ADAMTS6: variants seen among roughly 807,000 people sequenced by gnomAD.
ADAMTS6 encodes the protein A disintegrin and metalloproteinase with thrombospondin motifs 6.
A neutral mutation model predicts 144.3 loss-of-function variants in ADAMTS6; 23 were observed. That is an observed-to-expected ratio of 0.16 (90% CI 0.11 to 0.23). The LOEUF is 0.23. ADAMTS6 is among the 10% of genes least tolerant of loss of function. ADAMTS6 has a pLI of 1.00. For synonymous variants in ADAMTS6, 444 were observed against 457.5 expected (o/e 0.97, Z 0.38); for missense variants, 999 against 1,379.6 (o/e 0.72, Z 4.37).
Position 65,231,743 on chromosome 5 carries a change from G to C in ADAMTS6, c.1934-5524C>G, listed in dbSNP as rs2112440987. On this transcript the variant is annotated intron_variant, in intron 15 of 24. Coordinates refer to ENST00000381055, the MANE Select transcript of ADAMTS6 (RefSeq NM_197941.4). The stretch of plus-strand genomic sequence containing the variant: ...AGAAAACTGGAAAATTCACAAATAT[G>C]TGGAAATTAAAGAACATGCTCCTGA... 2.0e-5 allele frequency among the ~76,000 whole-genome samples: 3 copies of C among 152,242 alleles called. No homozygotes were observed. The South Asian group carries it at 6.2e-4, about 32-fold the overall frequency.
At chr5:65,422,683 T>C (rs948852143) in intron 7 of ADAMTS6, among the ~76,000 whole-genome samples, 1 of 151,932 alleles carries the variant, frequency 6.6e-6, no homozygotes, top group Non-Finnish European at 1.5e-5. Flanking sequence ...GGAACACTTA[T>C]ACATTACTAG....
chr5:65,406,976 G>A (rs1754572993), intron 7 of ADAMTS6, among the ~76,000 whole-genome samples: 1 of 152,106 alleles, frequency 6.6e-6, no homozygotes, highest in South Asian at 2.1e-4. Flanking sequence ...CAAGAAATAT[G>A]GGACTATGTG....
At chr5:65,327,490 AG>A (rs1408590674) in intron 9 of ADAMTS6, among the ~76,000 whole-genome samples, 1 of 152,010 alleles carries the variant, frequency 6.6e-6, no homozygotes, top group Non-Finnish European at 1.5e-5. Flanking sequence ...TCTCAATCCA[AG>A]GATTTTGTGG....
At chr5:65,280,651 T>C (rs1168106702) in intron 11 of ADAMTS6, among the ~76,000 whole-genome samples, 1 of 152,234 alleles carries the variant, frequency 6.6e-6, no homozygotes, top group Non-Finnish European at 1.5e-5. Context: ...TCCTTTCTGA[T>C]CACATAAGTA....
intron 7 of ADAMTS6, among the ~76,000 whole-genome samples, chr5:65,436,481 A>G (rs956438706): frequency 6.6e-6 from 1 of 152,172 alleles, no homozygotes; most frequent in African/African-American, 2.4e-5. Flanking sequence ...CTCCCACCTC[A>G]AAGCCAGGCT....
At chr5:65,466,813 T>C (rs966265141) in intron 3 of ADAMTS6, among the ~76,000 whole-genome samples, 11 of 152,068 alleles carry the variant, frequency 7.2e-5, no homozygotes, top group African/African-American at 1.9e-4. Flanking sequence ...GAGGCCGAGG[T>C]GGGCGGATCA....
chr5:65,206,597 G>A (rs1440235707), intron 20 of ADAMTS6, among the ~76,000 whole-genome samples: 2 of 150,920 alleles, frequency 1.3e-5, no homozygotes, highest in East Asian at 1.9e-4. Context: ...CTACTCGGGA[G>A]TCTGAGGCAG....
In ADAMTS6 at chr5:65,374,955, A is replaced by G. The variant is rs1348092819; in HGVS notation, c.1074-40870T>C. On this transcript the variant is annotated intron_variant, in intron 7 of 24. Transcript: ENST00000381055. Reference sequence around the variant, plus strand: ...GAACAGAGCCCTCAGAAATAATGCCACATATCTACAACTATCTGATCTTTG... The same window carrying G: ...GAACAGAGCCCTCAGAAATAATGCCGCATATCTACAACTATCTGATCTTTG... 3.9e-5 allele frequency among the ~76,000 whole-genome samples: 6 copies of G among 152,234 alleles called. No individual in the cohort carries two copies. In the East Asian group the frequency reaches 9.6e-4, roughly 24 times the overall value.
chr5:65,422,491 G>A (rs1003516757), intron 7 of ADAMTS6, among the ~76,000 whole-genome samples: 4 of 152,112 alleles, frequency 2.6e-5, no homozygotes, highest in East Asian at 1.9e-4. Context: ...GTGTGGTGGC[G>A]CATGCCTGTA....
chr5:65,211,321 G>T (rs1756517259), intron 20 of ADAMTS6, among the ~76,000 whole-genome samples: 1 of 152,208 alleles, frequency 6.6e-6, no homozygotes, highest in South Asian at 2.1e-4. Context: ...AAGCAAGATG[G>T]CTGGGTGCAG....
At chr5:65,263,105 G>C in intron 12 of ADAMTS6, 143 bp from the exon 13 acceptor site, 6 of 1,016,234 alleles carry the variant, frequency 5.9e-6, no homozygotes, top group Non-Finnish European at 8.6e-6. Flanking sequence ...CTCTAACTGT[G>C]TTTAGACACT....
At chr5:65,407,439 TA>T (rs1754632052) in intron 7 of ADAMTS6, among the ~76,000 whole-genome samples, 1 of 151,442 alleles carries the variant, frequency 6.6e-6, no homozygotes, top group Admixed American at 6.6e-5. Flanking sequence ...CTGCACCCAT[TA>T]ACTCGTCATT....
chr5:65,206,838 TCACA>T (rs147509641), intron 20 of ADAMTS6, among the ~76,000 whole-genome samples: 39,729 of 144,864 alleles, frequency 0.27, 5,443 homozygotes, highest in Admixed American at 0.36. Context: ...TCTCTCTCTC[TCACA>T]CACACACACA....
chr5:65,222,855 T>A (rs1757426958), intron 18 of ADAMTS6, among the ~76,000 whole-genome samples: 1 of 151,942 alleles, frequency 6.6e-6, no homozygotes, highest in Admixed American at 6.6e-5. Context: ...ATTAAAAAAT[T>A]AATAAATTGA....
chr5:65,404,027 C>T (rs997587168), intron 7 of ADAMTS6, among the ~76,000 whole-genome samples: 4 of 151,908 alleles, frequency 2.6e-5, no homozygotes, highest in South Asian at 2.1e-4. Context: ...AATCTTTGCC[C>T]AAGTTGGCAA....
intron 7 of ADAMTS6, among the ~76,000 whole-genome samples, chr5:65,440,001 T>C (rs1035649923): frequency 6.6e-6 from 1 of 152,104 alleles, no homozygotes; most frequent in African/African-American, 2.4e-5. Flanking sequence ...AGAGATGGGG[T>C]TTTGCCATGT....
At position 65,255,852 on chromosome 5, in the gene ADAMTS6, C is replaced by T. The variant is rs147841366; in HGVS notation, c.1830+4748G>A. ...CTCTACATTTATTTATGTATTTATT[C>T]ATTTTTTAATTTAATTTTAAAAATT... On this transcript the variant is annotated intron_variant, in intron 14 of 24. Coordinates refer to ENST00000381055, the MANE Select transcript of ADAMTS6 (RefSeq NM_197941.4). Among the ~76,000 whole-genome samples, 423 of 152,050 alleles carry T rather than the reference C, an allele frequency of 2.8e-3. 3 individuals are homozygous for T. The highest frequency in any genetic ancestry group is 9.7e-3 in the African/African-American group (401 of 41,486).
At position 65,229,351 on chromosome 5, in the gene ADAMTS6, G is replaced by A. The variant is rs140546049; in HGVS notation, c.1934-3132C>T. The stretch of plus-strand genomic sequence containing the variant: ...CTGGAAGCCAGTTAGTAAAGACTGC[G>A]TTCTCCACATGCAAAGACAGCAACA... On this transcript the variant is annotated intron_variant, in intron 15 of 24. Transcript: ENST00000381055. Among the ~76,000 whole-genome samples, 544 of 152,220 alleles carry A rather than the reference G, an allele frequency of 3.6e-3. 6 individuals are homozygous for A. In the Middle Eastern group the frequency reaches 0.041, roughly 11 times the overall value.
chr5:65,379,536 T>G (rs879629768), intron 7 of ADAMTS6, among the ~76,000 whole-genome samples: 81 of 152,376 alleles, frequency 5.3e-4, no homozygotes, highest in Non-Finnish European at 6.6e-4. Context: ...GCAGGCTGCC[T>G]GTGTGCATAT....
Sources: allele counts gnomAD v4.1 joint callset (sites outside exome capture counted in the v4.1 genomes callset), GRCh38; gene constraint gnomAD v4.1.1; transcripts MANE v1.5; gene names NCBI Gene and HGNC (gene_info 2026-07-23, HGNC 2026-07-21).